Variants in BOD1L1 observed in about 807,000 individuals in gnomAD.
BOD1L1 encodes the protein biorientation of chromosomes in cell division 1 like 1.
BOD1L1 carries 86 observed loss-of-function variants against 240.7 expected under a neutral mutation model. That is an observed-to-expected ratio of 0.36 (90% CI 0.30 to 0.43). The LOEUF is 0.43. Among genes scored for constraint, BOD1L1 ranks in the 20% least tolerant of loss-of-function variants. The pLI is 1.00. For missense variants in BOD1L1, 3,554 were observed against 3,643.5 expected, an observed-to-expected ratio of 0.98 and a Z score of 0.63; for synonymous variants, 1,268 against 1,272.3, an observed-to-expected ratio of 1.00 and a Z score of 0.07.
Position 13,627,448 on chromosome 4 carries a change from C to A in BOD1L1, c.140G>T (p.Gly47Val). 8.1e-7 allele frequency: 1 copy of A among 1,240,838 alleles called. No homozygotes were observed. Among genetic ancestry groups the A allele is most frequent in the South Asian group, 2.3e-5 (1 of 43,990 alleles). The allele number at this position is 1,240,838 out of a possible 1,614,324, so 76.9% of individuals were successfully genotyped here. A position where few individuals can be genotyped will look rare whatever the true frequency, so the allele number is the denominator to read the frequency against. ...GAGGAGGAGA[G>V]AGDPQLVAMI... ...GGCCACGAGCTGCGGGTCCCCGGCG[C>A]CCGCACCCGCGCCGCCCGCCCCGCC... Residue 47 changes from glycine (G) to valine (V), a missense_variant, in exon 1 of 26, where the codon GGC becomes GTC. This residue lies in a region of BOD1L1 where 161 missense variants were observed against 216.4 expected (regional missense o/e 0.74). Coordinates refer to ENST00000040738, the MANE Select transcript of BOD1L1 (RefSeq NM_148894.3).
intron 1 of BOD1L1, among the ~76,000 whole-genome samples, chr4:13,623,111 T>G (rs971018532): frequency 6.6e-6 from 1 of 152,154 alleles, no homozygotes; most frequent in African/African-American, 2.4e-5. Context: ...TTATTCGAAA[T>G]AAAACAGTAA....
intron 12 of BOD1L1, among the ~76,000 whole-genome samples, chr4:13,594,152 T>A (rs942453702): frequency 6.6e-6 from 1 of 152,122 alleles, no homozygotes; most frequent in Non-Finnish European, 1.5e-5. Context: ...TTTTTCAGTT[T>A]TGTGAGCTAA....
chr4:13,572,679 T>C (rs986184253), intron 25 of BOD1L1: 1 of 1,287,322 alleles, frequency 7.8e-7, no homozygotes, highest in Non-Finnish European at 1.0e-6. Context: ...TAAAAATGGC[T>C]TGAAGTGTAA....
intron 25 of BOD1L1, among the ~76,000 whole-genome samples, chr4:13,572,311 G>A (rs1712272237): frequency 6.6e-6 from 1 of 152,244 alleles, no homozygotes; most frequent in South Asian, 2.1e-4. Context: ...AGGCTGCAGT[G>A]AAAGGTGTAA....
intron 19 of BOD1L1, 33 bp downstream of exon 19, chr4:13,582,204 T>G (rs745466640): frequency 1.3e-6 from 2 of 1,557,036 alleles, no homozygotes; most frequent in Admixed American, 3.5e-5. Context: ...CTTAAATAAT[T>G]GTGAACAAAC....
At chr4:13,616,171 G>T (rs1262163815) in intron 2 of BOD1L1, among the ~76,000 whole-genome samples, 1 of 152,166 alleles carries the variant, frequency 6.6e-6, no homozygotes, top group African/African-American at 2.4e-5. Flanking sequence ...AATTGACCTG[G>T]TCCCTGTTCT....
chr4:13,602,189 T>A lies in BOD1L1; in HGVS notation c.4711A>T (p.Asn1571Tyr). The A allele has an allele frequency of 6.2e-7, 1 of 1,613,798 alleles. No individual in the cohort carries two copies. Among genetic ancestry groups the A allele is most frequent in the Non-Finnish European group, 8.5e-7 (1 of 1,179,760 alleles). ...TCTGCACCAACATGAAGAGGATTAT[T>A]TCTGGAATGTGTTCCTATTATGAGG... is the stretch of plus-strand genomic sequence containing the variant. ...EGLIIGTHSR[N>Y]NPLHVGAEAS... The change falls in exon 10 of 26, where the codon AAT becomes TAT. Residue 1571 changes from asparagine (N) to tyrosine (Y), a missense_variant. Asn to Tyr is a moderately radical substitution (Grantham distance 143, BLOSUM62 -2). Coordinates refer to ENST00000040738, the MANE Select transcript of BOD1L1 (RefSeq NM_148894.3).
Position 13,601,881 on chromosome 4 carries a change from T to G in BOD1L1, c.5019A>C (p.Ile1673=), listed in dbSNP as rs1715211202. Reference sequence around the variant, plus strand: ...TAATAAAAGTAATAGTTCCTTCAACTATTTCTGAGTCTCTACTTAAAGAAC... The same window carrying G: ...TAATAAAAGTAATAGTTCCTTCAACGATTTCTGAGTCTCTACTTAAAGAAC... ...CDGSLSRDSE[I]VEGTITFISE... The change falls in exon 10 of 26, where the codon ATA becomes ATC. Residue 1673 remains isoleucine, a synonymous_variant. Coordinates refer to ENST00000040738, the MANE Select transcript of BOD1L1 (RefSeq NM_148894.3). 1 of 1,614,018 alleles carries G rather than the reference T, an allele frequency of 6.2e-7. No individual in the cohort carries two copies. Among genetic ancestry groups the G allele is most frequent in the African/African-American group, 1.3e-5 (1 of 75,056 alleles).
intron 14 of BOD1L1, 51 bp from the exon 15 acceptor site, chr4:13,588,843 C>T: frequency 7.6e-7 from 1 of 1,323,732 alleles, no homozygotes; most frequent in South Asian, 1.4e-5. Context: ...TTTTTATATT[C>T]CAATACTTAC....
chr4:13,603,720 T>A lies in BOD1L1; in HGVS notation c.3180A>T (p.Ser1060=), dbSNP rs753148013. The change falls in exon 10 of 26, where the codon TCA becomes TCT. Residue 1060 remains serine (S), a synonymous_variant. Coordinates refer to ENST00000040738, the MANE Select transcript of BOD1L1 (RefSeq NM_148894.3). Reference sequence around the variant, plus strand: ...TTCTACTTAATTTCTTTTCCATGAGTGAACTATTACCTCTGGCCTTTTCAT... The same window carrying A: ...TTCTACTTAATTTCTTTTCCATGAGAGAACTATTACCTCTGGCCTTTTCAT... ...SSHEKARGNS[S]LMEKKLSRRL... 1.9e-6 allele frequency: 3 copies of A among 1,613,952 alleles called. No homozygotes were observed. In the South Asian group the frequency reaches 3.3e-5, roughly 18 times the overall value.
rs1416170001 is a variant in BOD1L1, at chr4:13,601,800, TC to T, written c.5099del (p.Gly1700AspfsTer3). The T allele has an allele frequency of 6.2e-7, 1 of 1,614,010 alleles. No homozygotes were observed. The highest frequency in any genetic ancestry group is 8.5e-7 in the Non-Finnish European group (1 of 1,179,896). On this transcript the variant is annotated frameshift_variant, in exon 10 of 26. Transcript: ENST00000040738. LOFTEE classifies it high-confidence loss of function. The part of the protein sequence containing the change: ...VTSAGTEIRA[G>X]SISSEEVDGS... ...CATCCACCTCTTCACTGCTTATAGATCCTGCTCTTATCTCTGTTCCAGCACT... is the reference window on the plus strand; with the variant it reads ...CATCCACCTCTTCACTGCTTATAGATCTGCTCTTATCTCTGTTCCAGCACT...
intron 11 of BOD1L1, among the ~76,000 whole-genome samples, chr4:13,596,585 T>TA (rs5856197): frequency 0.98 from 144,487 of 147,114 alleles, 70,959 homozygotes; most frequent in South Asian, 1. Flanking sequence ...AAGCCATGCT[T>TA]AAAAAAAAAA....
Position 13,600,039 on chromosome 4 carries a change from C to T in BOD1L1, c.6861G>A (p.Met2287Ile). Residue 2287 changes from methionine to isoleucine, a missense_variant, in exon 10 of 26, where the codon ATG becomes ATA. Physicochemically the swap from Met to Ile is conservative, Grantham distance 10 (BLOSUM62 1). Transcript: ENST00000040738. ...TTGTGGAAATCATGGCGGTGTCACC[C>T]ATCTCTTCCGCTGGTGTGACTGAGG... ...GDPSVTPAEEMGDTAMISTST... is the reference protein window; with the variant it reads ...GDPSVTPAEEIGDTAMISTST... The T allele has an allele frequency of 6.2e-7, 1 of 1,610,002 alleles. No homozygotes were observed. The highest frequency in any genetic ancestry group is 1.1e-5 in the South Asian group (1 of 90,338).
At chr4:13,577,723 A>G in intron 22 of BOD1L1, 92 bp from the exon 23 acceptor site, 1 of 892,614 alleles carries the variant, frequency 1.1e-6, no homozygotes, top group East Asian at 2.6e-5. Flanking sequence ...ATGTATCAGT[A>G]TTAATACATT....
chr4:13,596,687 G>A (rs1408676618), intron 11 of BOD1L1, among the ~76,000 whole-genome samples: 1 of 152,138 alleles, frequency 6.6e-6, no homozygotes, highest in African/African-American at 2.4e-5. Context: ...ATGACTACCT[G>A]CAGGACTGTG....
At chr4:13,585,836 C>G (rs563585769) in intron 17 of BOD1L1, among the ~76,000 whole-genome samples, 42 of 152,218 alleles carry the variant, frequency 2.8e-4, no homozygotes, top group Non-Finnish European at 5.1e-4. Flanking sequence ...CTGCACATGC[C>G]CTCTTGCCTG....
chr4:13,605,188 T>G, intron 9 of BOD1L1, 104 bp from the exon 10 acceptor site: 1 of 959,966 alleles, frequency 1.0e-6, no homozygotes, highest in Non-Finnish European at 1.4e-6. Context: ...GTCACATATG[T>G]AACATCTCAC....
intron 21 of BOD1L1, 107 bp from the exon 22 acceptor site, chr4:13,580,080 T>C: frequency 2.6e-6 from 2 of 781,406 alleles, no homozygotes; most frequent in Non-Finnish European, 4.1e-6. Context: ...TTTATTTACA[T>C]AGGCGTATTT....
In BOD1L1 at chr4:13,599,203, C is replaced by T. The variant is rs151217850; in HGVS notation, c.7697G>A (p.Ser2566Asn). ...TTGGCCAGTAATACATTTGGTGGTA[C>T]TGGTTTTCAAGTTGTCTTCAGACCC... ...QQGSEDNLKT[S>N]TTKCITGQES... is the part of the protein sequence containing the mutation. Residue 2566 changes from serine (S) to asparagine (N), a missense_variant, in exon 10 of 26, where the codon AGT (serine) becomes AAT (asparagine). By Grantham distance (46) the Ser-to-Asn change is conservative. Transcript: ENST00000040738. 9 of 1,613,914 alleles carry T rather than the reference C, an allele frequency of 5.6e-6. No individual in the cohort carries two copies. Among genetic ancestry groups the T allele is most frequent in the Non-Finnish European group, 6.8e-6 (8 of 1,179,848 alleles).
Sources: gnomAD v4.1 joint callset for allele counts (sites outside exome capture counted in the v4.1 genomes callset) on GRCh38, gnomAD v4.1.1 for gene constraint, gnomAD v4.1.1 regional missense constraint, MANE v1.5 for transcripts, NCBI Gene and HGNC (gene_info 2026-07-23, HGNC 2026-07-21) for gene names.